The following DENND1B variants were observed in gnomAD, a reference collection of about 807,000 sequenced individuals.
DENND1B encodes DENN domain containing 1B.
DENND1B carries 59 observed loss-of-function variants against 90.1 expected under a neutral mutation model. The ratio of observed to expected loss-of-function variants is 0.65; its 90% CI spans 0.53 to 0.81. The LOEUF is 0.81. Ranked by LOEUF, DENND1B falls within the 40% of genes least tolerant of loss-of-function variation. DENND1B has a pLI of 0.00. For missense variants in DENND1B, 862 were observed against 912.6 expected (o/e 0.94, Z 0.71); for synonymous variants, 337 against 324.6 (o/e 1.04, Z -0.41).
intron 2 of DENND1B, among the ~76,000 whole-genome samples, chr1:197,760,299 T>G (rs1435276127): frequency 6.6e-6 from 1 of 152,128 alleles, no homozygotes; most frequent in Non-Finnish European, 1.5e-5. Flanking sequence ...TCTCTCCATA[T>G]CCATTTATAA....
chr1:197,575,625 A>G (rs1673602426), intron 15 of DENND1B, among the ~76,000 whole-genome samples: 1 of 152,256 alleles, frequency 6.6e-6, no homozygotes, highest in Non-Finnish European at 1.5e-5. Flanking sequence ...ATAAAGACAT[A>G]TGCACATGTA....
chr1:197,562,931 A>G (rs371630522), intron 15 of DENND1B, among the ~76,000 whole-genome samples: 1 of 151,928 alleles, frequency 6.6e-6, no homozygotes, highest in East Asian at 1.9e-4. Context: ...AGATAGAAAA[A>G]GTCAAACGAG....
chr1:197,615,595 T>C (rs1437048964), intron 11 of DENND1B, among the ~76,000 whole-genome samples: 3 of 151,000 alleles, frequency 2.0e-5, no homozygotes, highest in African/African-American at 7.3e-5. Context: ...TTTTTTTCCC[T>C]TTTACATGTA....
intron 10 of DENND1B, among the ~76,000 whole-genome samples, chr1:197,632,510 A>G (rs1470932431): frequency 1.3e-5 from 2 of 152,170 alleles, no homozygotes; most frequent in African/African-American, 2.4e-5. Context: ...TAGAATTTTT[A>G]TCACACTGAC....
chr1:197,713,830 T>TATAATATATTATATATAATATATTATA (rs1660280533), intron 3 of DENND1B, among the ~76,000 whole-genome samples: 3 of 15,050 alleles, frequency 2.0e-4, no homozygotes, highest in African/African-American at 4.9e-4. Context: ...ATATATTATA[T>TATAATATATTATATATAATATATTATA]ATAATATATT....
intron 13 of DENND1B, among the ~76,000 whole-genome samples, chr1:197,603,434 T>G (rs940128638): frequency 7.3e-5 from 11 of 151,266 alleles, no homozygotes; most frequent in African/African-American, 2.4e-4. Flanking sequence ...GCCTTGATTT[T>G]CTTATCTAAA....
chr1:197,632,228 C>T (rs1679389928), intron 10 of DENND1B, among the ~76,000 whole-genome samples: 1 of 152,066 alleles, frequency 6.6e-6, no homozygotes, highest in Non-Finnish European at 1.5e-5. Flanking sequence ...CCTCATTTGC[C>T]TCCCCACAAT....
chr1:197,593,807 T>C (rs1447581436), intron 14 of DENND1B, among the ~76,000 whole-genome samples: 1 of 152,096 alleles, frequency 6.6e-6, no homozygotes, highest in Non-Finnish European at 1.5e-5. Flanking sequence ...ATGTCAAAAT[T>C]CAAGTAAAGT....
chr1:197,610,193 C>G (rs921379319), intron 12 of DENND1B, among the ~76,000 whole-genome samples: 96 of 150,706 alleles, frequency 6.4e-4, no homozygotes, highest in African/African-American at 2.2e-3. Context: ...ACAGAGATTT[C>G]AACCAGTCTA....
At position 197,652,223 on chromosome 1, in the gene DENND1B, T is replaced by G. The variant is rs779615339; in HGVS notation, c.447+12A>C. 1 of 1,607,588 alleles carries G rather than the reference T, an allele frequency of 6.2e-7. No homozygotes were observed. On this transcript the variant is annotated intron_variant, in intron 7 of 22. Coordinates refer to ENST00000620048, the MANE Select transcript of DENND1B (RefSeq NM_001195215.2). ...TATGACTCCCAAAAACAATTACTGA[T>G]TGAATACTTACCACACTCAAATTTA...
chr1:197,699,845 G>A (rs1288120199), intron 3 of DENND1B, among the ~76,000 whole-genome samples: 6 of 152,008 alleles, frequency 3.9e-5, no homozygotes, highest in Non-Finnish European at 7.4e-5. Flanking sequence ...AATCATGAAT[G>A]AACTCCCATT....
intron 5 of DENND1B, 95 bp from the exon 6 acceptor site, chr1:197,658,464 A>G: frequency 1.2e-6 from 1 of 851,222 alleles, no homozygotes; most frequent in Non-Finnish European, 1.8e-6. Context: ...CAAACAGGTT[A>G]ATCCTGGAGG....
At position 197,565,614 on chromosome 1, in the gene DENND1B, T is replaced by C. The variant is rs183521868; in HGVS notation, c.1150-12502A>G. Among the ~76,000 whole-genome samples the C allele has an allele frequency of 6.6e-4, 99 of 150,552 alleles. No homozygotes were observed. In the East Asian group the frequency reaches 0.02, roughly 30 times the overall value. ...TTAACTCGTCATTTAGCATTAGGTA[T>C]ATCTCCTAAAGCTATCCCTCCTCCC... On this transcript the variant is annotated intron_variant, in intron 15 of 22. Transcript: ENST00000620048.
chr1:197,544,958 A>AG (rs1670663689), intron 18 of DENND1B, among the ~76,000 whole-genome samples: 1 of 618 alleles, frequency 1.6e-3, no homozygotes, highest in South Asian at 0.05. Context: ...GAGAGAAGGG[A>AG]GAAGGAGAAG....
At chr1:197,722,963 A>G (rs565870802) in intron 2 of DENND1B, among the ~76,000 whole-genome samples, 1 of 152,318 alleles carries the variant, frequency 6.6e-6, no homozygotes, top group South Asian at 2.1e-4. Context: ...AAATCAAACT[A>G]GCACTTTAAA....
chr1:197,540,192 A>G (rs1301483011), intron 19 of DENND1B, 121 bp from the exon 20 acceptor site: 10 of 462,726 alleles, frequency 2.2e-5, no homozygotes, highest in East Asian at 3.6e-5. Context: ...TTCAGCTTTA[A>G]GTGTAAAGAA....
rs147767487 is a variant in DENND1B, at chr1:197,580,352, T to C, written c.1149+2800A>G. 5.6e-3 allele frequency among the ~76,000 whole-genome samples: 846 copies of C among 151,020 alleles called. 13 individuals are homozygous for C. The highest frequency in any genetic ancestry group is 0.019 in the African/African-American group (790 of 41,124). On this transcript the variant is annotated intron_variant, in intron 15 of 22. Coordinates refer to ENST00000620048, the MANE Select transcript of DENND1B (RefSeq NM_001195215.2). ...TGACCTCATGATCCACCCGTCTCGG[T>C]CTCCCAGAGTGCTGGGATTACAGGT...
chr1:197,511,930 T>C lies in DENND1B; in HGVS notation c.1613A>G (p.Asp538Gly). ...IERASKLSSE[D>G]GEEASAYLYE... is the part of the protein sequence containing the mutation. ...GAGATAAGCAGAAGCTTCTTCACCATCTTCAGAAGATAACCTGAAGAAAAA... is the reference window on the plus strand; with the variant it reads ...GAGATAAGCAGAAGCTTCTTCACCACCTTCAGAAGATAACCTGAAGAAAAA... The change falls in exon 22 of 23, where the codon GAT (aspartate) becomes GGT (glycine). Residue 538 changes from aspartate (D) to glycine (G), a missense_variant. Physicochemically the swap from Asp to Gly is moderately conservative, Grantham distance 94 (BLOSUM62 -1). Coordinates refer to ENST00000620048, the MANE Select transcript of DENND1B (RefSeq NM_001195215.2). 1.2e-6 allele frequency: 2 copies of C among 1,603,894 alleles called. No homozygotes were observed. Among genetic ancestry groups the C allele is most frequent in the Non-Finnish European group, 1.7e-6 (2 of 1,174,828 alleles).
At chr1:197,745,035 A>T (rs1337730672) in intron 2 of DENND1B, among the ~76,000 whole-genome samples, 5 of 152,214 alleles carry the variant, frequency 3.3e-5, no homozygotes, top group Admixed American at 1.3e-4. Flanking sequence ...CACAAAATTG[A>T]AGAGAGTTAA....
Sources: allele counts gnomAD v4.1 joint callset (sites outside exome capture counted in the v4.1 genomes callset), GRCh38; gene constraint gnomAD v4.1.1; transcripts MANE v1.5; gene names NCBI Gene and HGNC (gene_info 2026-07-23, HGNC 2026-07-21).